Variants in MSI2 observed in about 807,000 individuals in gnomAD.
MSI2 encodes RNA-binding protein Musashi homolog 2.
A neutral mutation model predicts 45.6 loss-of-function variants in MSI2; 17 were observed. The ratio of observed to expected loss-of-function variants is 0.37; its 90% CI spans 0.26 to 0.56. MSI2 has a LOEUF of 0.56. MSI2 is among the 20% of genes least tolerant of loss of function. MSI2 has a pLI of 0.77. For synonymous variants in MSI2, 156 were observed against 158.2 expected, an observed-to-expected ratio of 0.99 and a Z score of 0.11; for missense variants, 293 against 444.2, an observed-to-expected ratio of 0.66 and a Z score of 3.06.
chr17:57,471,620 C>T lies in MSI2; in HGVS notation c.406-58056C>T, dbSNP rs9889538. Among the ~76,000 whole-genome samples, 841 of 152,290 alleles carry T rather than the reference C, an allele frequency of 5.5e-3. 14 individuals carry two copies. The highest frequency in any genetic ancestry group is 0.019 in the African/African-American group (803 of 41,554). On this transcript the variant is annotated intron_variant, in intron 6 of 13. Coordinates refer to ENST00000284073, the MANE Select transcript of MSI2 (RefSeq NM_138962.4). ...AATCCCATGAGGTAGGCTGGTATTA[C>T]TCTTCGTGTTTTCTCCAGATGAAGA...
chr17:57,669,008 G>A (rs191845600), intron 11 of MSI2, among the ~76,000 whole-genome samples: 10 of 152,224 alleles, frequency 6.6e-5, no homozygotes, highest in African/African-American at 2.4e-4. Context: ...TAGAAGGAAA[G>A]CTTGAGCCAA....
At chr17:57,446,610 A>G (rs2084904917) in intron 6 of MSI2, among the ~76,000 whole-genome samples, 1 of 152,204 alleles carries the variant, frequency 6.6e-6, no homozygotes, top group Admixed American at 6.5e-5. Context: ...CAGTTGGAGA[A>G]AAGGTCAAGC....
intron 5 of MSI2, chr17:57,264,623 G>C (rs1907611805): frequency 6.6e-6 from 1 of 152,224 alleles, no homozygotes; most frequent in African/African-American, 2.4e-5. Context: ...CTATTGCAGA[G>C]ACTTTATTAA....
At chr17:57,558,853 G>A (rs574348366) in intron 7 of MSI2, among the ~76,000 whole-genome samples, 2 of 152,266 alleles carry the variant, frequency 1.3e-5, no homozygotes, top group South Asian at 4.2e-4. Flanking sequence ...CTGAGGTCAG[G>A]AGTTCGAGAC....
chr17:57,273,539 G>C (rs769639145), intron 5 of MSI2, among the ~76,000 whole-genome samples: 17 of 134,366 alleles, frequency 1.3e-4, no homozygotes, highest in Non-Finnish European at 1.8e-4. Context: ...TGTGGGTGGG[G>C]GGGGGGACCT....
intron 5 of MSI2, among the ~76,000 whole-genome samples, chr17:57,392,168 C>T (rs1296148547): frequency 2.0e-5 from 3 of 152,232 alleles, no homozygotes; most frequent in African/African-American, 7.2e-5. Flanking sequence ...CCTCATCTCT[C>T]TACCTTTGTC....
chr17:57,512,272 T>G (rs1419620099), intron 6 of MSI2, among the ~76,000 whole-genome samples: 1 of 152,182 alleles, frequency 6.6e-6, no homozygotes, highest in East Asian at 1.9e-4. Flanking sequence ...GATTAATTTT[T>G]TTTTTCAAAT....
At chr17:57,362,753 A>T (rs1916902756) in intron 5 of MSI2, among the ~76,000 whole-genome samples, 1 of 152,192 alleles carries the variant, frequency 6.6e-6, no homozygotes, top group Admixed American at 6.5e-5. Flanking sequence ...TTGAAAAAAA[A>T]ATTCATACTA....
chr17:57,406,877 T>C (rs1026915986), intron 6 of MSI2: 2 of 152,250 alleles, frequency 1.3e-5, no homozygotes, highest in Non-Finnish European at 2.9e-5. Context: ...CCATGTCCCT[T>C]CTGGGCCAGT....
chr17:57,360,788 C>T (rs1248402013), intron 5 of MSI2, among the ~76,000 whole-genome samples: 1 of 152,142 alleles, frequency 6.6e-6, no homozygotes, highest in African/African-American at 2.4e-5. Context: ...GAACCAGAGG[C>T]CAAGACAAGT....
intron 7 of MSI2, among the ~76,000 whole-genome samples, chr17:57,592,524 G>A (rs910418665): frequency 2.0e-5 from 3 of 152,180 alleles, no homozygotes; most frequent in Admixed American, 1.3e-4. Context: ...TGTTTTCTCT[G>A]CTCGGGCCAA....
intron 9 of MSI2, among the ~76,000 whole-genome samples, chr17:57,621,312 T>C (rs1908270893): frequency 6.6e-6 from 1 of 152,384 alleles, no homozygotes; most frequent in South Asian, 2.1e-4. Flanking sequence ...TAAAGTTAAC[T>C]AACCAATGAA....
At chr17:57,358,267 C>T (rs1026828752) in intron 5 of MSI2, among the ~76,000 whole-genome samples, 2 of 151,840 alleles carry the variant, frequency 1.3e-5, no homozygotes, top group Non-Finnish European at 2.9e-5. Context: ...CAGAATGACT[C>T]CTTCAGGCAT....
intron 8 of MSI2, among the ~76,000 whole-genome samples, chr17:57,600,601 A>C (rs1266308684): frequency 6.6e-6 from 1 of 152,164 alleles, no homozygotes; most frequent in Non-Finnish European, 1.5e-5. Flanking sequence ...CTTCTCTACC[A>C]TGCAGAAGGG....
chr17:57,349,887 C>T (rs577073588), intron 5 of MSI2, among the ~76,000 whole-genome samples: 16 of 152,266 alleles, frequency 1.1e-4, no homozygotes, highest in African/African-American at 3.8e-4. Flanking sequence ...GGAGAGGTGA[C>T]GGTTGGGAAG....
intron 5 of MSI2, among the ~76,000 whole-genome samples, chr17:57,349,965 C>T (rs1915886587): frequency 6.6e-6 from 1 of 152,214 alleles, no homozygotes; most frequent in Non-Finnish European, 1.5e-5. Context: ...CTCTCAAATA[C>T]ATCCTCCTTT....
At chr17:57,569,010 T>A (rs926056891) in intron 7 of MSI2, among the ~76,000 whole-genome samples, 6 of 151,964 alleles carry the variant, frequency 3.9e-5, no homozygotes, top group African/African-American at 9.7e-5. Flanking sequence ...CTTTTAAAAA[T>A]TTTTTTGACT....
At chr17:57,362,274 T>G (rs1323883521) in intron 5 of MSI2, among the ~76,000 whole-genome samples, 2 of 152,256 alleles carry the variant, frequency 1.3e-5, no homozygotes, top group East Asian at 3.8e-4. Context: ...TATTTCTATT[T>G]GCACTTCCAT....
At chr17:57,463,280 AG>A (rs1175339581) in intron 6 of MSI2, among the ~76,000 whole-genome samples, 4 of 152,146 alleles carry the variant, frequency 2.6e-5, no homozygotes, top group Non-Finnish European at 5.9e-5. Context: ...GGTGGTGGGC[AG>A]GGTGAGTAGG....
Sources: gnomAD v4.1 joint callset for allele counts (sites outside exome capture counted in the v4.1 genomes callset) on GRCh38, gnomAD v4.1.1 for gene constraint, MANE v1.5 for transcripts, NCBI Gene and HGNC (gene_info 2026-07-23, HGNC 2026-07-21) for gene names.